The following ADD1 variants were observed in gnomAD, a reference collection of about 807,000 sequenced individuals.
ADD1 encodes the protein alpha-adducin.
In ADD1, 24 loss-of-function variants were observed where a neutral mutation model predicts 80.5. The ratio of observed to expected loss-of-function variants is 0.30; its 90% CI spans 0.22 to 0.42. The LOEUF is 0.42. Among genes scored for constraint, ADD1 ranks in the 10% least tolerant of loss-of-function variants. ADD1 has a pLI of 1.00. For synonymous variants in ADD1, 373 were observed against 393.8 expected (o/e 0.95, Z 0.63); for missense variants, 948 against 1,019.0 (o/e 0.93, Z 0.95).
chr4:2,894,649 G>T lies in ADD1; in HGVS notation c.659G>T (p.Gly220Val). ...ACTAATCTGGGAGTGAATCAGGCCG[G>T]CTTCACCTTACACTCTGCAATTTAT... is the stretch of plus-strand genomic sequence containing the variant. ...GSTNLGVNQAGFTLHSAIYAA... is the reference protein window; with the variant it reads ...GSTNLGVNQAVFTLHSAIYAA... Residue 220 changes from glycine to valine, a missense_variant, in exon 6 of 16, where the codon GGC becomes GTC. Transcript: ENST00000683351. The T allele has an allele frequency of 6.2e-7, 1 of 1,610,770 alleles. No homozygotes were observed. The highest frequency in any genetic ancestry group is 2.2e-5 in the East Asian group (1 of 44,806).
At chr4:2,866,699 C>T (rs1421432441) in intron 1 of ADD1, among the ~76,000 whole-genome samples, 1 of 152,132 alleles carries the variant, frequency 6.6e-6, no homozygotes, top group African/African-American at 2.4e-5. Context: ...TTCTGTGCTG[C>T]AATACAGTAG....
chr4:2,911,162 C>T (rs1392032899), intron 13 of ADD1, among the ~76,000 whole-genome samples: 1 of 152,084 alleles, frequency 6.6e-6, no homozygotes, highest in Non-Finnish European at 1.5e-5. Context: ...CCACACACTC[C>T]CCTCCCCAGT....
intron 1 of ADD1, among the ~76,000 whole-genome samples, chr4:2,856,097 T>C (rs1220939122): frequency 6.6e-6 from 1 of 151,172 alleles, no homozygotes; most frequent in African/African-American, 2.4e-5. Context: ...ACTATTATGT[T>C]GCCCAGGCTG....
intron 4 of ADD1, among the ~76,000 whole-genome samples, chr4:2,887,264 G>A (rs888143846): frequency 9.2e-5 from 14 of 152,124 alleles, no homozygotes; most frequent in African/African-American, 2.2e-4. Context: ...TGGTATAGAC[G>A]CTTAACAGAA....
chr4:2,917,643 C>T (rs571666357), intron 14 of ADD1, among the ~76,000 whole-genome samples: 1 of 152,130 alleles, frequency 6.6e-6, no homozygotes, highest in Non-Finnish European at 1.5e-5. Flanking sequence ...AGGTTTTCTT[C>T]TAGGATTTTT....
intron 1 of ADD1, among the ~76,000 whole-genome samples, chr4:2,866,011 T>C (rs974681517): frequency 1.3e-5 from 2 of 152,184 alleles, no homozygotes; most frequent in Admixed American, 6.5e-5. Context: ...GGTTGTGTTA[T>C]TTGCTCAATT....
At chr4:2,909,899 G>A (rs1051310246) in intron 13 of ADD1, among the ~76,000 whole-genome samples, 3 of 147,908 alleles carry the variant, frequency 2.0e-5, no homozygotes, top group East Asian at 2.0e-4. Flanking sequence ...ATTGAAAGAT[G>A]TCATTTCAGA....
chr4:2,898,282 A>G lies in ADD1; in HGVS notation c.840A>G (p.Glu280=). The change falls in exon 7 of 16, where the codon GAA becomes GAG. Residue 280 remains glutamate, a synonymous_variant. Coordinates refer to ENST00000683351, the MANE Select transcript of ADD1 (RefSeq NM_001354761.2). ...YHDYHGILVD[E]EEKVLIQKNL... ...ACTACCATGGCATTCTGGTTGATGA[A>G]GAGGAAAAAGTTTTGATTCAGAAAA... 1 of 1,614,212 alleles carries G rather than the reference A, an allele frequency of 6.2e-7. No homozygotes were observed. Among genetic ancestry groups the G allele is most frequent in the Non-Finnish European group, 8.5e-7 (1 of 1,180,050 alleles).
intron 2 of ADD1, among the ~76,000 whole-genome samples, chr4:2,881,286 C>T (rs1352928614): frequency 1.3e-5 from 2 of 151,906 alleles, no homozygotes; most frequent in South Asian, 2.1e-4. Context: ...ACCATGTTGG[C>T]CAGGCTGGTC....
chr4:2,893,045 T>G (rs975724612), intron 4 of ADD1, among the ~76,000 whole-genome samples: 2 of 152,028 alleles, frequency 1.3e-5, no homozygotes, highest in African/African-American at 4.8e-5. Context: ...GCCACCTGAG[T>G]GTCTGGGACT....
At chr4:2,901,828 T>C (rs1220041074) in intron 9 of ADD1, 1 of 142,382 alleles carries the variant, frequency 7.0e-6, no homozygotes, top group Non-Finnish European at 1.5e-5. Flanking sequence ...CTTCTACAGT[T>C]AGAAAAAAAA....
intron 14 of ADD1, among the ~76,000 whole-genome samples, chr4:2,922,516 G>A (rs373861018): frequency 5.9e-5 from 9 of 152,144 alleles, no homozygotes; most frequent in Non-Finnish European, 1.2e-4. Context: ...TGGAAGTTTC[G>A]TCCCAGAGGG....
At chr4:2,901,080 T>TA (rs1736096932) in intron 9 of ADD1, 1 of 152,476 alleles carries the variant, frequency 6.6e-6, no homozygotes, top group Non-Finnish European at 1.5e-5. Context: ...AAGAAGCAGT[T>TA]AGAGTTGGGT....
intron 4 of ADD1, among the ~76,000 whole-genome samples, chr4:2,888,511 G>A (rs1284577526): frequency 6.6e-6 from 1 of 151,576 alleles, no homozygotes; most frequent in African/African-American, 2.4e-5. Context: ...TACCTTCCGA[G>A]TTCAGGCAAT....
chr4:2,875,943 G>A lies in ADD1; in HGVS notation c.28G>A (p.Val10Met), dbSNP rs773145477. Residue 10 changes from valine to methionine, a missense_variant, in exon 2 of 16, where the codon GTG (valine) becomes ATG (methionine). Val to Met is a conservative substitution (Grantham distance 21, BLOSUM62 1). Coordinates refer to ENST00000683351, the MANE Select transcript of ADD1 (RefSeq NM_001354761.2). MNGDSRAAV[V>M]TSPPPTTAPH... ...GAATGGTGATTCTCGTGCTGCGGTG[G>A]TGACCTCACCACCCCCGACCACAGC... is the stretch of plus-strand genomic sequence containing the variant. The A allele has an allele frequency of 9.3e-5, 150 of 1,610,640 alleles. No homozygotes were observed. The highest frequency in any genetic ancestry group is 1.2e-4 in the Non-Finnish European group (147 of 1,178,794).
chr4:2,920,091 T>C (rs1739747599), intron 14 of ADD1, among the ~76,000 whole-genome samples: 1 of 152,238 alleles, frequency 6.6e-6, no homozygotes, highest in African/African-American at 2.4e-5. Flanking sequence ...TGAATTTTGT[T>C]ATTTACCCAG....
chr4:2,881,816 G>T, intron 2 of ADD1, 82 bp from the exon 3 acceptor site: 1 of 1,270,398 alleles, frequency 7.9e-7, no homozygotes, highest in Non-Finnish European at 1.1e-6. Flanking sequence ...ACAAAAATTG[G>T]TCTATGTGAT....
At chr4:2,857,243 C>A (rs1044899102) in intron 1 of ADD1, among the ~76,000 whole-genome samples, 1 of 152,086 alleles carries the variant, frequency 6.6e-6, no homozygotes, top group Non-Finnish European at 1.5e-5. Flanking sequence ...TGTTTTAATT[C>A]GCAAATTCCT....
At chr4:2,854,621 A>G (rs546156866) in intron 1 of ADD1, among the ~76,000 whole-genome samples, 1 of 152,162 alleles carries the variant, frequency 6.6e-6, no homozygotes, top group Admixed American at 6.5e-5. Context: ...ACTTAGGTTT[A>G]TGGCCTTTTC....
Sources: gnomAD v4.1 joint callset for allele counts (sites outside exome capture counted in the v4.1 genomes callset) on GRCh38, gnomAD v4.1.1 for gene constraint, MANE v1.5 for transcripts, NCBI Gene and HGNC (gene_info 2026-07-23, HGNC 2026-07-21) for gene names.